The following STK33 variants were observed in gnomAD, a reference collection of about 807,000 sequenced individuals.
STK33 encodes the protein serine/threonine kinase 33.
STK33 carries 52 observed loss-of-function variants against 58.0 expected under a neutral mutation model. The observed-to-expected ratio is 0.90, with a 90% confidence interval of 0.72 to 1.13. STK33 has a LOEUF of 1.13. Ranked by LOEUF, STK33 falls within the 50% of genes most tolerant of loss-of-function variation. STK33 has a pLI of 0.00. For missense variants in STK33, 630 were observed against 604.2 expected, an observed-to-expected ratio of 1.04 and a Z score of -0.45; for synonymous variants, 215 against 200.1, an observed-to-expected ratio of 1.07 and a Z score of -0.63.
chr11:8,480,178 T>C (rs2138163747), intron 2 of STK33, among the ~76,000 whole-genome samples: 1 of 152,320 alleles, frequency 6.6e-6, no homozygotes, highest in Middle Eastern at 3.4e-3. Flanking sequence ...AAGGGCTTCC[T>C]GACATTTACA....
At chr11:8,504,153 G>A (rs1163034191) in intron 1 of STK33, among the ~76,000 whole-genome samples, 2 of 152,146 alleles carry the variant, frequency 1.3e-5, no homozygotes, top group Non-Finnish European at 2.9e-5. Context: ...AAGTGCAACA[G>A]ACTATTTTAG....
chr11:8,588,371 C>A (rs1271583650), intron 1 of STK33, among the ~76,000 whole-genome samples: 2 of 152,056 alleles, frequency 1.3e-5, no homozygotes, highest in Non-Finnish European at 2.9e-5. Flanking sequence ...ACTGGAGTGA[C>A]AAGGAATCAG....
the STK33 span, among the ~76,000 whole-genome samples, chr11:8,345,925 G>A: frequency 4.3e-3 from 662 of 152,330 alleles, 1 homozygote; most frequent in African/African-American, 0.015. Context: ...CAGCTTCCAC[G>A]TACCGAGTGG....
At chr11:8,523,872 T>C (rs1258568569) in intron 1 of STK33, among the ~76,000 whole-genome samples, 2 of 152,170 alleles carry the variant, frequency 1.3e-5, no homozygotes, top group Non-Finnish European at 2.9e-5. Flanking sequence ...TTTTGTCGAA[T>C]AGAAAAGGGG....
chr11:8,391,740 CCT>C (rs1185654083), downstream of STK33: 16 of 152,482 alleles, frequency 1.0e-4, no homozygotes, highest in African/African-American at 3.1e-4. Context: ...GGTATGGTCC[CCT>C]GTTTCTTGCT....
chr11:8,474,911 T>A lies in STK33; in HGVS notation c.-6A>T, dbSNP rs1382492052. 1.9e-6 allele frequency: 3 copies of A among 1,565,702 alleles called. No individual in the cohort carries two copies. The highest frequency in any genetic ancestry group is 2.8e-5 in the African/African-American group (2 of 72,502). On this transcript the variant is annotated 5_prime_UTR_variant, in exon 5 of 16. Coordinates refer to ENST00000687296, the MANE Select transcript of STK33 (RefSeq NM_001352389.2). The stretch of plus-strand genomic sequence containing the variant: ...TCTAAGCCACTATCAGCCATTTGTT[T>A]AACTCTGCAACAAAAGCAACTTTAA...
chr11:8,408,215 G>T (rs1939603407), intron 15 of STK33, among the ~76,000 whole-genome samples: 1 of 152,096 alleles, frequency 6.6e-6, no homozygotes, highest in Non-Finnish European at 1.5e-5. Flanking sequence ...GAGATAAATG[G>T]ACCCAAATTA....
intron 8 of STK33, 92 bp downstream of exon 8, chr11:8,461,713 A>AAC: frequency 1.0e-6 from 1 of 966,412 alleles, no homozygotes; most frequent in East Asian, 2.9e-5. Context: ...GGACATGAGC[A>AAC]ACTGTGCCCC....
chr11:8,378,679 T>C, the STK33 span, among the ~76,000 whole-genome samples: 1 of 152,140 alleles, frequency 6.6e-6, no homozygotes, highest in Non-Finnish European at 1.5e-5. Context: ...TAATTCAAGA[T>C]GAGGTTTGAG....
At chr11:8,455,225 A>G (rs1340922555) in intron 9 of STK33, among the ~76,000 whole-genome samples, 1 of 152,214 alleles carries the variant, frequency 6.6e-6, no homozygotes, top group African/African-American at 2.4e-5. Context: ...ACTTCTATGC[A>G]TATGTTACTG....
intron 12 of STK33, among the ~76,000 whole-genome samples, chr11:8,436,428 A>G (rs771851309): frequency 1.3e-5 from 2 of 152,196 alleles, no homozygotes; most frequent in Non-Finnish European, 2.9e-5. Context: ...GTGGGGAAAC[A>G]CTAAGCTTAA....
At position 8,457,486 on chromosome 11, in the gene STK33, TTA is replaced by T; in HGVS notation, c.559-9_559-8del. 1 of 1,586,132 alleles carries T rather than the reference TTA, an allele frequency of 6.3e-7. No homozygotes were observed. The highest frequency in any genetic ancestry group is 8.6e-7 in the Non-Finnish European group (1 of 1,160,684). On this transcript the variant is annotated splice_region_variant and splice_polypyrimidine_tract_variant and intron_variant, in intron 8 of 15. Transcript: ENST00000687296. Reference sequence around the variant, plus strand: ...CCATCACAAGGTACATTTTCTGACATTATATATATAAAAGAGAGAGAGAGCAA... The same window carrying T: ...CCATCACAAGGTACATTTTCTGACATTATATATAAAAGAGAGAGAGAGCAA...
chr11:8,557,113 T>C lies in STK33; in HGVS notation c.-466+36970A>G, dbSNP rs1329923187. Reference sequence around the variant, plus strand: ...AAAAAATAAACAAATTAGCTGGCCATCATGGTGCATGCCTGTGGTCCCAGC... The same window carrying C: ...AAAAAATAAACAAATTAGCTGGCCACCATGGTGCATGCCTGTGGTCCCAGC... On this transcript the variant is annotated intron_variant, in intron 1 of 15. Coordinates refer to ENST00000687296, the MANE Select transcript of STK33 (RefSeq NM_001352389.2). 2.0e-5 allele frequency among the ~76,000 whole-genome samples: 3 copies of C among 151,146 alleles called. No individual in the cohort carries two copies. The East Asian group carries it at 5.9e-4, about 30-fold the overall frequency.
intron 1 of STK33, among the ~76,000 whole-genome samples, chr11:8,579,605 C>T (rs80235437): frequency 0.08 from 12,066 of 151,724 alleles, 505 homozygotes; most frequent in African/African-American, 0.1. Context: ...AGAAGAGAAG[C>T]GACTTGCCAA....
intron 15 of STK33, 103 bp downstream of exon 15, chr11:8,413,392 T>C: frequency 7.7e-7 from 1 of 1,294,678 alleles, no homozygotes. Context: ...CGCTCGGCCT[T>C]TGTTACAAAC....
At chr11:8,521,315 A>C (rs930153392) in intron 1 of STK33, among the ~76,000 whole-genome samples, 1 of 152,194 alleles carries the variant, frequency 6.6e-6, no homozygotes, top group Non-Finnish European at 1.5e-5. Context: ...CCTTGGAAAT[A>C]ATACCACACA....
At chr11:8,460,444 A>AATT (rs1240903839) in intron 8 of STK33, among the ~76,000 whole-genome samples, 7 of 152,126 alleles carry the variant, frequency 4.6e-5, no homozygotes, top group African/African-American at 1.7e-4. Context: ...CACATACAAT[A>AATT]CTACACAGAG....
intron 1 of STK33, among the ~76,000 whole-genome samples, chr11:8,506,885 TA>T (rs1951902066): frequency 6.6e-6 from 1 of 152,160 alleles, no homozygotes; most frequent in African/African-American, 2.4e-5. Context: ...TGCTTATAAA[TA>T]AATTATCCCT....
intron 7 of STK33, among the ~76,000 whole-genome samples, chr11:8,462,440 T>TAC (rs201221789): frequency 0.011 from 1,382 of 126,412 alleles, 12 homozygotes; most frequent in East Asian, 0.054. Flanking sequence ...TATATACATA[T>TAC]ATACACACAC....
Sources: allele counts gnomAD v4.1 joint callset (sites outside exome capture counted in the v4.1 genomes callset), GRCh38; gene constraint gnomAD v4.1.1; transcripts MANE v1.5; gene names NCBI Gene and HGNC (gene_info 2026-07-23, HGNC 2026-07-21).